TBX15: variants seen among roughly 807,000 people sequenced by gnomAD.
TBX15 encodes T-box transcription factor 15.
Under a neutral mutation model 53.9 loss-of-function variants are expected in TBX15, and 18 were observed. That is an observed-to-expected ratio of 0.33 (90% CI 0.23 to 0.49). The LOEUF is 0.49. Among genes scored for constraint, TBX15 ranks in the 20% least tolerant of loss-of-function variants. The pLI is 0.98. For missense variants in TBX15, 692 were observed against 749.5 expected (o/e 0.92, Z 0.90); for synonymous variants, 295 against 278.0 (o/e 1.06, Z -0.61).
chr1:118,968,565 GTA>G (rs1189310600), intron 1 of TBX15, among the ~76,000 whole-genome samples: 7 of 152,236 alleles, frequency 4.6e-5, no homozygotes, highest in African/African-American at 1.7e-4. Context: ...TCAATGGTGT[GTA>G]TATATACACA....
intron 6 of TBX15, among the ~76,000 whole-genome samples, 180 bp downstream of exon 6, chr1:118,913,935 T>G (rs1019504058): frequency 3.3e-5 from 5 of 152,216 alleles, no homozygotes; most frequent in African/African-American, 1.2e-4. Flanking sequence ...ATCTGGTGAT[T>G]TAGACTATGC....
intron 1 of TBX15, among the ~76,000 whole-genome samples, chr1:118,962,035 A>G (rs1656894446): frequency 6.6e-6 from 1 of 152,238 alleles, no homozygotes; most frequent in Non-Finnish European, 1.5e-5. Context: ...AGAAGCCAGG[A>G]TTAACATTTA....
chr1:118,908,158 G>A (rs1208593321), intron 6 of TBX15, among the ~76,000 whole-genome samples: 1 of 152,076 alleles, frequency 6.6e-6, no homozygotes, highest in Non-Finnish European at 1.5e-5. Flanking sequence ...GCTGGGATAG[G>A]GCTTTCTTTC....
intron 1 of TBX15, among the ~76,000 whole-genome samples, chr1:118,939,147 C>G (rs183000493): frequency 1.3e-5 from 2 of 151,978 alleles, no homozygotes; most frequent in African/African-American, 4.8e-5. Context: ...TGGCTCATGC[C>G]TATAATCTTA....
At chr1:118,917,603 G>A (rs1390680788) in intron 5 of TBX15, among the ~76,000 whole-genome samples, 1 of 152,066 alleles carries the variant, frequency 6.6e-6, no homozygotes, top group Admixed American at 6.5e-5. Flanking sequence ...TAAAAGAAAG[G>A]CCCTATGTAA....
chr1:118,987,955 G>T lies in TBX15; in HGVS notation c.-160C>A. 2.4e-6 allele frequency: 2 copies of T among 846,726 alleles called. No individual in the cohort carries two copies. The highest frequency in any genetic ancestry group is 2.7e-5 in the East Asian group (1 of 37,266). The allele number at this position is 846,726 out of a possible 1,614,324, so 52.5% of individuals were successfully genotyped here. On this transcript the variant is annotated 5_prime_UTR_variant, in exon 1 of 8. Coordinates refer to ENST00000369429, the MANE Select transcript of TBX15 (RefSeq NM_001330677.2). ...GCGGGTCTCTCCACCCTCCCCCTGC[G>T]TCCTCCTCCGCCCTCCTCTGCCGGA... is the stretch of plus-strand genomic sequence containing the variant.
chr1:118,949,909 AAT>A (rs1444335655), intron 1 of TBX15, among the ~76,000 whole-genome samples: 1 of 152,236 alleles, frequency 6.6e-6, no homozygotes, highest in Non-Finnish European at 1.5e-5. Context: ...TTAAAGAAAG[AAT>A]AGTTTTAAAC....
intron 1 of TBX15, among the ~76,000 whole-genome samples, chr1:118,957,631 CCCA>C (rs1656737245): frequency 6.6e-6 from 1 of 152,196 alleles, no homozygotes; most frequent in Non-Finnish European, 1.5e-5. Flanking sequence ...CTCCCCCAAC[CCCA>C]CAACAGGCCG....
chr1:118,949,268 A>T (rs1188592208), intron 1 of TBX15, among the ~76,000 whole-genome samples: 1 of 152,236 alleles, frequency 6.6e-6, no homozygotes, highest in Non-Finnish European at 1.5e-5. Context: ...ACATGCTTTC[A>T]GGAAATAAAA....
intron 7 of TBX15, among the ~76,000 whole-genome samples, chr1:118,888,048 C>T (rs956715724): frequency 1.3e-5 from 2 of 152,180 alleles, no homozygotes; most frequent in African/African-American, 4.8e-5. Flanking sequence ...CTCCTTCCTC[C>T]TTTCTAATAC....
intron 1 of TBX15, among the ~76,000 whole-genome samples, chr1:118,968,656 G>A (rs1292164331): frequency 2.0e-5 from 3 of 152,186 alleles, no homozygotes; most frequent in Non-Finnish European, 4.4e-5. Context: ...GTTGGGTGAA[G>A]AAGGAAAGAC....
chr1:118,988,617 C>T (rs1000112696), upstream of TBX15, among the ~76,000 whole-genome samples: 1 of 152,176 alleles, frequency 6.6e-6, no homozygotes, highest in African/African-American at 2.4e-5. Context: ...CAAATCCATA[C>T]GTTTTTCTTC....
At chr1:118,934,071 G>GA (rs1181429441) in intron 1 of TBX15, among the ~76,000 whole-genome samples, 2 of 152,294 alleles carry the variant, frequency 1.3e-5, no homozygotes, top group East Asian at 3.9e-4. Flanking sequence ...TATGAAATAA[G>GA]AGACTCTACC....
At chr1:118,925,813 G>A (rs963747589) in intron 3 of TBX15, among the ~76,000 whole-genome samples, 7 of 152,154 alleles carry the variant, frequency 4.6e-5, no homozygotes, top group African/African-American at 1.2e-4. Context: ...CCCTATTCAT[G>A]GGTTTAGGGC....
chr1:118,951,502 T>C (rs946029373), intron 1 of TBX15, among the ~76,000 whole-genome samples: 2 of 152,182 alleles, frequency 1.3e-5, no homozygotes, highest in African/African-American at 2.4e-5. Context: ...GCAGGAGATA[T>C]GTGGAGACCC....
At chr1:118,892,402 G>A (rs888342887) in intron 7 of TBX15, among the ~76,000 whole-genome samples, 1 of 152,028 alleles carries the variant, frequency 6.6e-6, no homozygotes, top group Non-Finnish European at 1.5e-5. Context: ...TCAGTAGAAA[G>A]AAATGCACAA....
At chr1:118,970,235 G>A (rs894861407) in intron 1 of TBX15, among the ~76,000 whole-genome samples, 2 of 152,132 alleles carry the variant, frequency 1.3e-5, no homozygotes, top group Non-Finnish European at 2.9e-5. Flanking sequence ...TGTGAGAATG[G>A]ACTAGTACAG....
intron 1 of TBX15, among the ~76,000 whole-genome samples, chr1:118,955,233 T>A (rs939309384): frequency 7.0e-6 from 1 of 142,988 alleles, no homozygotes; most frequent in Admixed American, 7.3e-5. Flanking sequence ...CCTTTAAATA[T>A]GAACAATGTG....
intron 1 of TBX15, among the ~76,000 whole-genome samples, chr1:118,986,273 C>A (rs1213618313): frequency 6.6e-6 from 1 of 152,204 alleles, no homozygotes; most frequent in Non-Finnish European, 1.5e-5. Flanking sequence ...AATGCCCACG[C>A]AGGGGTCCGC....
Sources: allele counts gnomAD v4.1 joint callset (sites outside exome capture counted in the v4.1 genomes callset), GRCh38; gene constraint gnomAD v4.1.1; transcripts MANE v1.5; gene names NCBI Gene and HGNC (gene_info 2026-07-23, HGNC 2026-07-21).